The following MCM9 variants were observed in gnomAD, a reference collection of about 807,000 sequenced individuals.
MCM9 encodes the protein minichromosome maintenance 9 homologous recombination repair factor.
In MCM9, 55 loss-of-function variants were observed where a neutral mutation model predicts 72.8. The ratio of observed to expected loss-of-function variants is 0.76; its 90% CI spans 0.61 to 0.95. MCM9 has a LOEUF of 0.95. MCM9 is among the 40% of genes least tolerant of loss of function. MCM9 has a pLI of 0.00. For missense variants in MCM9, 1,279 were observed against 1,377.0 expected, an observed-to-expected ratio of 0.93 and a Z score of 1.13; for synonymous variants, 480 against 503.4, an observed-to-expected ratio of 0.95 and a Z score of 0.62.
chr6:118,846,951 C>CA lies in MCM9; in HGVS notation c.1325+9419dup, dbSNP rs1463853477. The stretch of plus-strand genomic sequence containing the variant: ...AAACCCTCATCTCCCTACCCTGCCC[C>CA]AAAAAAACCCCACAAAGCAAAGGAA... On this transcript the variant is annotated intron_variant, in intron 9 of 13. Transcript: ENST00000619706. Among the ~76,000 whole-genome samples, 14 of 151,738 alleles carry CA rather than the reference C, an allele frequency of 9.2e-5. No homozygotes were observed. The South Asian group carries it at 1.0e-3, about 11-fold the overall frequency.
chr6:118,835,504 T>C (rs1774894333), intron 9 of MCM9, among the ~76,000 whole-genome samples: 1 of 152,218 alleles, frequency 6.6e-6, no homozygotes, highest in Admixed American at 6.5e-5. Context: ...TTTCCATTTG[T>C]TTCTGTCCTC....
At position 118,905,567 on chromosome 6, in the gene MCM9, G is replaced by T. The variant is rs553843910; in HGVS notation, c.1150+6083C>A. Reference sequence around the variant, plus strand: ...TTTCTTGTTGCATCCTCAACTGATGGTTCTAGGTAACTGAAACTCCAGTCT... The same window carrying T: ...TTTCTTGTTGCATCCTCAACTGATGTTTCTAGGTAACTGAAACTCCAGTCT... On this transcript the variant is annotated intron_variant, in intron 8 of 13. Coordinates refer to ENST00000619706, the MANE Select transcript of MCM9 (RefSeq NM_017696.3). 3,263 of 1,105,340 alleles carry T rather than the reference G, an allele frequency of 3.0e-3. 61 individuals carry two copies. The African/African-American group carries it at 0.047, about 16-fold the overall frequency. 68.5% of individuals were successfully genotyped at this position (1,105,340 alleles called of 1,614,324 possible). A position where few individuals can be genotyped will look rare whatever the true frequency, so the allele number is the denominator to read the frequency against.
chr6:118,889,832 A>G (rs1334126646), intron 8 of MCM9, among the ~76,000 whole-genome samples: 1 of 152,242 alleles, frequency 6.6e-6, no homozygotes, highest in Non-Finnish European at 1.5e-5. Context: ...AGTATAGTCC[A>G]GCTATGGATA....
chr6:118,899,370 TTCC>T (rs1374014049), intron 8 of MCM9, among the ~76,000 whole-genome samples: 1 of 152,144 alleles, frequency 6.6e-6, no homozygotes, highest in Admixed American at 6.5e-5. Context: ...GTTTGGTGCT[TTCC>T]TCCTTCCTTT....
At chr6:118,916,308 C>CAGAAAAA (rs955008428) in intron 6 of MCM9, among the ~76,000 whole-genome samples, 10 of 148,636 alleles carry the variant, frequency 6.7e-5, no homozygotes, top group African/African-American at 2.2e-4. Context: ...TCTTTCAATA[C>CAGAAAAA]AGATCAGAAA....
At chr6:118,892,695 A>G (rs1779027745) in intron 8 of MCM9, among the ~76,000 whole-genome samples, 1 of 152,252 alleles carries the variant, frequency 6.6e-6, no homozygotes, top group African/African-American at 2.4e-5. Context: ...GTCTATCACC[A>G]TGGTTTGACT....
Position 118,815,354 on chromosome 6 carries a change from C to T in MCM9, c.2902G>A (p.Val968Met). 5 of 1,550,082 alleles carry T rather than the reference C, an allele frequency of 3.2e-6. No homozygotes were observed. Among genetic ancestry groups the T allele is most frequent in the Non-Finnish European group, 4.4e-6 (5 of 1,146,570 alleles). ...GATGTTAACTTTCCTGGACGCTTCA[C>T]CGGCAAGGCTGCGTCTCTTCTTGTT... The part of the protein sequence containing the change: ...RRTRRDAALP[V>M]KRPGKLTSTP... The change falls in exon 14 of 14, where the codon GTG (valine) becomes ATG (methionine). Residue 968 changes from valine to methionine, a missense_variant. By Grantham distance (21) the Val-to-Met change is conservative. Transcript: ENST00000619706.
intron 13 of MCM9, among the ~76,000 whole-genome samples, chr6:118,823,458 G>A (rs1267981646): frequency 6.6e-6 from 1 of 152,138 alleles, no homozygotes; most frequent in African/African-American, 2.4e-5. Context: ...GCGATGAACT[G>A]GGTACCTCAG....
chr6:118,856,443 C>T lies in MCM9; in HGVS notation c.1253G>A (p.Ser418Asn). The change falls in exon 9 of 14, where the codon AGC (serine) becomes AAC (asparagine). Residue 418 changes from serine to asparagine, a missense_variant. Physicochemically the swap from Ser to Asn is conservative, Grantham distance 46 (BLOSUM62 1). Transcript: ENST00000619706. The stretch of plus-strand genomic sequence containing the variant: ...ACTGGTCCTATCATGCTCTTTGAGG[C>T]TATTGAACTCATCAATACAGCAAAG... ...AGLCCIDEFN[S>N]LKEHDRTSIH... is the part of the protein sequence containing the mutation. The T allele has an allele frequency of 2.6e-6, 4 of 1,535,570 alleles. No homozygotes were observed. Among genetic ancestry groups the T allele is most frequent in the Non-Finnish European group, 3.5e-6 (4 of 1,146,830 alleles).
chr6:118,892,409 G>GT (rs1399806620), intron 8 of MCM9, among the ~76,000 whole-genome samples: 3 of 152,166 alleles, frequency 2.0e-5, no homozygotes, highest in African/African-American at 4.8e-5. Context: ...TAGTCTCATT[G>GT]TAACACTTAC....
At chr6:118,907,590 A>G (rs775710424) in intron 8 of MCM9, 34 of 1,613,498 alleles carry the variant, frequency 2.1e-5, no homozygotes, top group Non-Finnish European at 2.9e-5. Flanking sequence ...ATGTCATGTT[A>G]GAATCCCACA....
chr6:118,832,296 C>T (rs1355449308), intron 9 of MCM9, among the ~76,000 whole-genome samples: 3 of 152,090 alleles, frequency 2.0e-5, no homozygotes, highest in African/African-American at 7.2e-5. Context: ...ACTCCTGGCC[C>T]CAAGAATCCT....
chr6:118,859,787 A>G (rs1776791066), intron 8 of MCM9, among the ~76,000 whole-genome samples: 1 of 152,196 alleles, frequency 6.6e-6, no homozygotes, highest in Non-Finnish European at 1.5e-5. Flanking sequence ...TCCTGTTCTT[A>G]ACAATGCCTG....
chr6:118,911,524 A>C (rs1780543331), intron 8 of MCM9, 126 bp downstream of exon 8: 1 of 1,394,868 alleles, frequency 7.2e-7, no homozygotes, highest in Admixed American at 2.9e-5. Context: ...ATTTCCTTCC[A>C]TTTTTAGTGG....
At chr6:118,895,273 A>C (rs1779310243) in intron 8 of MCM9, among the ~76,000 whole-genome samples, 1 of 151,966 alleles carries the variant, frequency 6.6e-6, no homozygotes, top group African/African-American at 2.4e-5. Flanking sequence ...GGCGCCCGGG[A>C]TGCGCCGGGA....
chr6:118,917,236 G>A (rs1374657106), intron 6 of MCM9, among the ~76,000 whole-genome samples: 1 of 152,086 alleles, frequency 6.6e-6, no homozygotes, highest in East Asian at 1.9e-4. Flanking sequence ...ATAGGATGAG[G>A]GTTCATAAAA....
intron 8 of MCM9, among the ~76,000 whole-genome samples, chr6:118,895,559 CA>C (rs59178963): frequency 0.066 from 10,035 of 152,138 alleles, 470 homozygotes; most frequent in East Asian, 0.19. Context: ...AAATTAAGGT[CA>C]ACTCCTCATG....
chr6:118,821,909 T>G (rs1344839458), intron 13 of MCM9, among the ~76,000 whole-genome samples: 4 of 152,202 alleles, frequency 2.6e-5, no homozygotes, highest in Non-Finnish European at 5.9e-5. Flanking sequence ...TCACGCTTGA[T>G]TGATTTGAGT....
intron 9 of MCM9, among the ~76,000 whole-genome samples, chr6:118,850,747 T>A (rs1776163188): frequency 6.6e-6 from 1 of 151,792 alleles, no homozygotes; most frequent in Non-Finnish European, 1.5e-5. Context: ...TCAGGCCACA[T>A]TCTCTGTATG....
Sources: allele counts gnomAD v4.1 joint callset (sites outside exome capture counted in the v4.1 genomes callset), GRCh38; gene constraint gnomAD v4.1.1; transcripts MANE v1.5; gene names NCBI Gene and HGNC (gene_info 2026-07-23, HGNC 2026-07-21).